AOPEP: variants seen among roughly 807,000 people sequenced by gnomAD.
AOPEP encodes aminopeptidase O (putative), also known as aminopeptidase O.
AOPEP carries 77 observed loss-of-function variants against 98.1 expected under a neutral mutation model. The observed-to-expected ratio is 0.78, with a 90% CI of 0.65 to 0.95. AOPEP has a LOEUF of 0.95. AOPEP is among the 40% of genes least tolerant of loss of function. The pLI, the probability that AOPEP is intolerant of heterozygous loss-of-function variation, is 0.00. For synonymous variants in AOPEP, 346 were observed against 365.3 expected, an observed-to-expected ratio of 0.95 and a Z score of 0.60; for missense variants, 1,024 against 1,024.7, an observed-to-expected ratio of 1.00 and a Z score of 0.01.
chr9:94,788,857 G>C (rs1845027451), intron 3 of AOPEP, among the ~76,000 whole-genome samples: 1 of 152,166 alleles, frequency 6.6e-6, no homozygotes, highest in Non-Finnish European at 1.5e-5. Context: ...CAGTTCAGAG[G>C]CCCTCCCTTT....
chr9:94,983,058 C>A (rs990936693), intron 11 of AOPEP, among the ~76,000 whole-genome samples: 5 of 151,966 alleles, frequency 3.3e-5, no homozygotes, highest in African/African-American at 1.2e-4. Flanking sequence ...GACAGAGTCT[C>A]GCTTTGTCAC....
In AOPEP at chr9:94,814,211, G is replaced by A. The variant is rs76689297; in HGVS notation, c.1364+13209G>A. On this transcript the variant is annotated intron_variant, in intron 5 of 16. Coordinates refer to ENST00000375315, the MANE Select transcript of AOPEP (RefSeq NM_001193329.3). ...ATTGGTTCCTGCTCTGGCCCTGTTG[G>A]GGCCTCATATGATGGCTTAATAATG... is the stretch of plus-strand genomic sequence containing the variant. Among the ~76,000 whole-genome samples, 428 of 152,256 alleles carry A rather than the reference G, an allele frequency of 2.8e-3. 4 individuals carry two copies. Among genetic ancestry groups the A allele is most frequent in the African/African-American group, 9.7e-3 (404 of 41,548 alleles).
the AOPEP span, among the ~76,000 whole-genome samples, chr9:95,125,346 A>C: frequency 6.6e-6 from 1 of 152,176 alleles, no homozygotes; most frequent in Non-Finnish European, 1.5e-5. Context: ...AAACAGGATA[A>C]ATTTGTCGCT....
intron 13 of AOPEP, among the ~76,000 whole-genome samples, chr9:95,017,652 G>A (rs1023706932): frequency 6.6e-6 from 1 of 152,152 alleles, no homozygotes; most frequent in African/African-American, 2.4e-5. Flanking sequence ...TGAGTTATAT[G>A]TCATGTATAC....
intron 5 of AOPEP, among the ~76,000 whole-genome samples, chr9:94,808,651 A>T (rs1295759020): frequency 6.6e-6 from 1 of 152,272 alleles, no homozygotes; most frequent in Non-Finnish European, 1.5e-5. Flanking sequence ...CTACCTTCCC[A>T]GCTAGCTTGC....
rs112066413 is a variant in AOPEP, at chr9:94,919,482, C to T, written c.1365-4504C>T. 1.2e-4 allele frequency among the ~76,000 whole-genome samples: 19 copies of T among 152,308 alleles called. 1 individual carries two copies. Among genetic ancestry groups the T allele is most frequent in the East Asian group, 5.8e-4 (3 of 5,182 alleles). On this transcript the variant is annotated intron_variant, in intron 5 of 16. Coordinates refer to ENST00000375315, the MANE Select transcript of AOPEP (RefSeq NM_001193329.3). ...TGCCAGGCTGTCTGGGCCACCCCCC[C>T]ACTTTGGCTTCAGGACTACAGAAGC...
At chr9:95,085,345 A>C (rs765670164) in intron 16 of AOPEP, 20 of 485,638 alleles carry the variant, frequency 4.1e-5, no homozygotes, top group Non-Finnish European at 8.6e-5. Flanking sequence ...TGCAGATTGG[A>C]GAACAGGTGC....
rs191781443 is a variant in AOPEP, at chr9:94,836,333, G to A, written c.1364+35331G>A. Among the ~76,000 whole-genome samples, 3 of 152,236 alleles carry A rather than the reference G, an allele frequency of 2.0e-5. No individual in the cohort carries two copies. The East Asian group carries it at 5.8e-4, about 29-fold the overall frequency. The stretch of plus-strand genomic sequence containing the variant: ...GCTTTATAATACTGCATTCCTATCA[G>A]CAGTGAGCAAGAGTTTTCCTTGCTC... On this transcript the variant is annotated intron_variant, in intron 5 of 16. Transcript: ENST00000375315.
chr9:94,827,870 C>G (rs939010283), intron 5 of AOPEP, among the ~76,000 whole-genome samples: 12 of 149,738 alleles, frequency 8.0e-5, no homozygotes, highest in African/African-American at 2.7e-4. Flanking sequence ...GACTCTGGTG[C>G]CCAGGCTGTT....
chr9:95,023,463 A>T (rs1012245877), intron 13 of AOPEP, among the ~76,000 whole-genome samples: 1 of 152,094 alleles, frequency 6.6e-6, no homozygotes, highest in Non-Finnish European at 1.5e-5. Flanking sequence ...CCATGGGGCC[A>T]CTCTGCCCTA....
the AOPEP span, chr9:95,114,509 C>G: frequency 1.1e-6 from 1 of 909,534 alleles, no homozygotes; most frequent in Non-Finnish European, 1.8e-6. Context: ...TGGTGCTCAC[C>G]TGTTTGGTGA....
chr9:94,979,824 G>A (rs763428403), intron 11 of AOPEP, among the ~76,000 whole-genome samples: 15 of 152,176 alleles, frequency 9.9e-5, no homozygotes, highest in African/African-American at 2.2e-4. Context: ...CTTTGGATGC[G>A]GCCCAACACA....
Position 94,760,444 on chromosome 9 carries a change from G to C in AOPEP, c.661G>C (p.Asp221His), listed in dbSNP as rs746240882. ...QAPGCGELLF[D>H]TDTWSLQIRK... is the part of the protein sequence containing the mutation. ...TCCTGGCTGTGGGGAACTCCTCTTTGACACTGACACTTGGAGCTTGCAGAT... is the reference window on the plus strand; with the variant it reads ...TCCTGGCTGTGGGGAACTCCTCTTTCACACTGACACTTGGAGCTTGCAGAT... The change falls in exon 2 of 17, where the codon GAC becomes CAC. Residue 221 changes from aspartate (D) to histidine (H), a missense_variant. Asp to His is a moderately conservative substitution (Grantham distance 81). Coordinates refer to ENST00000375315, the MANE Select transcript of AOPEP (RefSeq NM_001193329.3). 1.2e-6 allele frequency: 2 copies of C among 1,613,706 alleles called. No homozygotes were observed. Among genetic ancestry groups the C allele is most frequent in the Admixed American group, 1.7e-5 (1 of 59,940 alleles).
the AOPEP span, among the ~76,000 whole-genome samples, chr9:95,147,719 T>C: frequency 6.6e-6 from 1 of 152,234 alleles, no homozygotes; most frequent in African/African-American, 2.4e-5. Flanking sequence ...AATACTGTTA[T>C]GGTGCAAGTT....
intron 5 of AOPEP, among the ~76,000 whole-genome samples, chr9:94,885,008 CA>C (rs59763820): frequency 0.018 from 2,079 of 113,688 alleles, 33 homozygotes; most frequent in South Asian, 0.045. Flanking sequence ...GACTCCGTCT[CA>C]AAAAAAAAAA....
intron 11 of AOPEP, among the ~76,000 whole-genome samples, chr9:95,002,830 C>T (rs932697953): frequency 3.9e-5 from 6 of 152,162 alleles, no homozygotes; most frequent in Non-Finnish European, 8.8e-5. Flanking sequence ...TTTGGACGTA[C>T]CATTCTGGCT....
chr9:95,005,270 C>T (rs2061905671), intron 12 of AOPEP, 50 bp downstream of exon 12: 1 of 974,580 alleles, frequency 1.0e-6, no homozygotes, highest in Non-Finnish European at 1.3e-6. Context: ...CGGCGCGAGA[C>T]CGCGGCTGGC....
intron 13 of AOPEP, among the ~76,000 whole-genome samples, chr9:95,046,992 A>C (rs2065918483): frequency 6.6e-6 from 1 of 152,232 alleles, no homozygotes; most frequent in South Asian, 2.1e-4. Context: ...TTTAAATTGT[A>C]TTCAGCTATT....
chr9:94,796,270 C>T (rs1846911822), intron 4 of AOPEP, among the ~76,000 whole-genome samples: 2 of 152,222 alleles, frequency 1.3e-5, no homozygotes, highest in Non-Finnish European at 2.9e-5. Context: ...TGAGTTTTCC[C>T]TTCCTTTATC....
Sources: allele counts gnomAD v4.1 joint callset (sites outside exome capture counted in the v4.1 genomes callset), GRCh38; gene constraint gnomAD v4.1.1; transcripts MANE v1.5; gene names NCBI Gene and HGNC (gene_info 2026-07-23, HGNC 2026-07-21).